Variants in DSN1 observed in about 807,000 individuals in gnomAD.
DSN1 encodes DSN1 component of MIS12 kinetochore complex, also known as kinetochore-associated protein DSN1 homolog.
Under a neutral mutation model 45.7 loss-of-function variants are expected in DSN1, and 31 were observed. That is an observed-to-expected ratio of 0.68 (90% CI 0.51 to 0.92). The LOEUF (loss-of-function observed/expected upper bound fraction) is 0.92, where lower values mean the gene tolerates loss of function less well. DSN1 is among the 40% of genes least tolerant of loss of function. The pLI is 0.00. For synonymous variants in DSN1, 134 were observed against 142.3 expected, an observed-to-expected ratio of 0.94 and a Z score of 0.41; for missense variants, 394 against 414.2, an observed-to-expected ratio of 0.95 and a Z score of 0.42.
intron 6 of DSN1, 75 bp from the exon 7 acceptor site, chr20:36,758,692 TA>T: frequency 7.3e-7 from 1 of 1,361,722 alleles, no homozygotes; most frequent in Non-Finnish European, 1.0e-6. Context: ...ATAAATTAGT[TA>T]TTTATTTATT....
intron 7 of DSN1, 130 bp from the exon 8 acceptor site, chr20:36,758,291 G>A: frequency 1.1e-6 from 1 of 907,316 alleles, no homozygotes; most frequent in South Asian, 1.5e-5. Context: ...TACAGGGTTA[G>A]AAAGCCTGAC....
chr20:36,768,364 G>A (rs1987463341), intron 3 of DSN1, among the ~76,000 whole-genome samples: 2 of 152,138 alleles, frequency 1.3e-5, no homozygotes, highest in Non-Finnish European at 2.9e-5. Flanking sequence ...ACAACATGGT[G>A]AAATCCCGTC....
At position 36,755,699 on chromosome 20, in the gene DSN1, C is replaced by CA; in HGVS notation, c.855dup (p.Asp286Ter). ...CCACTTACCACCAACTCCATACAGT[C>CA]AAAGACTTTGCTCTGGTTCTGTAAT... On this transcript the variant is annotated frameshift_variant, in exon 9 of 11. Transcript: ENST00000373750. LOFTEE classifies it high-confidence loss of function. The CA allele has an allele frequency of 6.2e-7, 1 of 1,613,940 alleles. No individual in the cohort carries two copies. Among genetic ancestry groups the CA allele is most frequent in the Non-Finnish European group, 8.5e-7 (1 of 1,179,958 alleles).
intron 1 of DSN1, 44 bp from the exon 2 acceptor site, chr20:36,771,517 T>C: frequency 6.3e-7 from 1 of 1,588,800 alleles, no homozygotes; most frequent in Non-Finnish European, 8.6e-7. Flanking sequence ...CACGTTTCAC[T>C]GCAGTCTCAA....
At chr20:36,767,782 G>A (rs1466337741) in intron 4 of DSN1, among the ~76,000 whole-genome samples, 187 bp downstream of exon 4, 1 of 151,968 alleles carries the variant, frequency 6.6e-6, no homozygotes, top group Non-Finnish European at 1.5e-5. Context: ...TGTGCCTGTA[G>A]TCTCAGCTAC....
At chr20:36,765,380 A>G (rs1601018648) in intron 5 of DSN1, among the ~76,000 whole-genome samples, 1 of 151,918 alleles carries the variant, frequency 6.6e-6, no homozygotes, top group Non-Finnish European at 1.5e-5. Flanking sequence ...ACATGGAGAA[A>G]CCCCGTCTCT....
chr20:36,773,415 C>T lies in DSN1; in HGVS notation c.-16+247G>A, dbSNP rs534341122. On this transcript the variant is annotated intron_variant, in intron 1 of 10. Transcript: ENST00000373750. ...TCACCCCTGTTTCTGGAGCCTAGAC[C>T]CCTGGCACGGCAGATACGTCTCTAA... is the stretch of plus-strand genomic sequence containing the variant. 6.1e-6 allele frequency: 6 copies of T among 985,526 alleles called. No individual in the cohort carries two copies. In the East Asian group the frequency reaches 5.7e-4, roughly 93 times the overall value. The allele number at this position is 985,526 out of a possible 1,614,324, so 61.0% of individuals were successfully genotyped here. A position where few individuals can be genotyped will look rare whatever the true frequency, so the allele number is the denominator to read the frequency against.
intron 10 of DSN1, among the ~76,000 whole-genome samples, chr20:36,753,331 C>T (rs1396468054): frequency 1.3e-5 from 2 of 148,266 alleles, no homozygotes; most frequent in Non-Finnish European, 3.0e-5. Flanking sequence ...CAGAGCAAGA[C>T]CCTGTCTAAA....
chr20:36,758,014 T>A, intron 8 of DSN1, 73 bp downstream of exon 8: 1 of 1,380,062 alleles, frequency 7.2e-7, no homozygotes, highest in South Asian at 1.2e-5. Flanking sequence ...CAATTTGTGC[T>A]AACAGAACTG....
In DSN1 at chr20:36,763,297, C is replaced by T. The variant is rs371223381; in HGVS notation, c.503-749G>A. Among the ~76,000 whole-genome samples, 41 of 146,784 alleles carry T rather than the reference C, an allele frequency of 2.8e-4. 1 individual carries two copies. In the East Asian group the frequency reaches 5.1e-3, roughly 18 times the overall value. On this transcript the variant is annotated intron_variant, in intron 5 of 10. Transcript: ENST00000373750. ...GTACACGCCTGTAATCCCGGCTACTCGGGAGGCTGAGGCAGGGGAATCGCT... is the reference window on the plus strand; with the variant it reads ...GTACACGCCTGTAATCCCGGCTACTTGGGAGGCTGAGGCAGGGGAATCGCT...
chr20:36,764,680 G>A (rs1263844991), intron 5 of DSN1, among the ~76,000 whole-genome samples: 1 of 152,118 alleles, frequency 6.6e-6, no homozygotes, highest in Non-Finnish European at 1.5e-5. Context: ...CAACACTTTG[G>A]GAAGCTGAGG....
chr20:36,757,625 T>C (rs1986748361), intron 8 of DSN1, among the ~76,000 whole-genome samples: 1 of 152,142 alleles, frequency 6.6e-6, no homozygotes, highest in Non-Finnish European at 1.5e-5. Context: ...ACTTTTCCTC[T>C]ACCTTCAAGA....
At chr20:36,764,942 T>C (rs1419637684) in intron 5 of DSN1, among the ~76,000 whole-genome samples, 1 of 148,428 alleles carries the variant, frequency 6.7e-6, no homozygotes, top group African/African-American at 2.5e-5. Flanking sequence ...AGAAAGAAAG[T>C]ACAAATGGCT....
chr20:36,768,506 G>C (rs559439996), intron 3 of DSN1, among the ~76,000 whole-genome samples: 2 of 152,342 alleles, frequency 1.3e-5, no homozygotes, highest in South Asian at 4.1e-4. Flanking sequence ...GGTTGCAGTA[G>C]CTGAGATTAC....
chr20:36,766,820 G>T lies in DSN1; in HGVS notation c.451C>A (p.Pro151Thr), dbSNP rs765821703. Residue 151 changes from proline to threonine, a missense_variant, in exon 5 of 11, where the codon CCT becomes ACT. Pro to Thr is a conservative substitution (Grantham distance 38). Transcript: ENST00000373750. ...AAGCCCTTAGTGTCCCTTAGGAAAG[G>T]TTCAAGTTTCTGAATAGAGAACTAA... ...SFQFSIQKLEPFLRDTKGFSL... is the reference protein window; with the variant it reads ...SFQFSIQKLETFLRDTKGFSL... The T allele has an allele frequency of 3.7e-6, 6 of 1,606,568 alleles. No individual in the cohort carries two copies. Among genetic ancestry groups the T allele is most frequent in the Non-Finnish European group, 4.2e-6 (5 of 1,178,290 alleles).
chr20:36,763,393 ACT>A (rs1987111738), intron 5 of DSN1, among the ~76,000 whole-genome samples: 1 of 111,156 alleles, frequency 9.0e-6, no homozygotes, highest in Admixed American at 1.4e-4. Flanking sequence ...CAAGAATGAG[ACT>A]CTGTCTCAAA....
At chr20:36,755,943 G>T in intron 8 of DSN1, 114 bp from the exon 9 acceptor site, 1 of 1,221,968 alleles carries the variant, frequency 8.2e-7, no homozygotes, top group Non-Finnish European at 1.1e-6. Flanking sequence ...GCTAGCTATA[G>T]GCTCACTTCT....
At chr20:36,756,454 T>A (rs2148259370) in intron 8 of DSN1, among the ~76,000 whole-genome samples, 1 of 152,288 alleles carries the variant, frequency 6.6e-6, no homozygotes, top group East Asian at 1.9e-4. Flanking sequence ...AGTCAGTGTC[T>A]ATAATTGTTT....
At chr20:36,756,213 C>A (rs1202418771) in intron 8 of DSN1, among the ~76,000 whole-genome samples, 1 of 152,184 alleles carries the variant, frequency 6.6e-6, no homozygotes, top group Non-Finnish European at 1.5e-5. Flanking sequence ...AACTCCTGAA[C>A]TTGTGATCTG....
Sources: gnomAD v4.1 joint callset for allele counts (sites outside exome capture counted in the v4.1 genomes callset) on GRCh38, gnomAD v4.1.1 for gene constraint, MANE v1.5 for transcripts, NCBI Gene and HGNC (gene_info 2026-07-23, HGNC 2026-07-21) for gene names.